SPTLC1: variants seen among roughly 807,000 people sequenced by gnomAD.
SPTLC1 encodes the protein serine palmitoyltransferase long chain base subunit 1, also known as serine palmitoyltransferase 1.
In SPTLC1, 55 loss-of-function variants were observed where a neutral mutation model predicts 68.9. The observed-to-expected ratio is 0.80, with a 90% CI of 0.64 to 1.00. The LOEUF (loss-of-function observed/expected upper bound fraction) is 1.00. SPTLC1 is among the 50% of genes least tolerant of loss of function. The probability of loss-of-function intolerance (pLI) is 0.00; values close to 1 mark genes in which losing one functional copy is unlikely to be tolerated. For synonymous variants in SPTLC1, 197 were observed against 201.6 expected, an observed-to-expected ratio of 0.98 and a Z score of 0.19; for missense variants, 449 against 573.1, an observed-to-expected ratio of 0.78 and a Z score of 2.21.
intron 12 of SPTLC1, among the ~76,000 whole-genome samples, chr9:92,041,233 G>C (rs1833340404): frequency 6.6e-6 from 1 of 152,082 alleles, no homozygotes; most frequent in African/African-American, 2.4e-5. Context: ...TGAGAAATTA[G>C]AGAAAAATTG....
chr9:92,056,441 C>G (rs538606666), intron 7 of SPTLC1, among the ~76,000 whole-genome samples: 2 of 152,290 alleles, frequency 1.3e-5, no homozygotes, highest in Non-Finnish European at 2.9e-5. Context: ...GTTGGCCAGG[C>G]TGGTCTTGAA....
chr9:92,049,707 G>A (rs779239662), intron 9 of SPTLC1, among the ~76,000 whole-genome samples: 2 of 152,092 alleles, frequency 1.3e-5, no homozygotes, highest in Admixed American at 6.6e-5. Flanking sequence ...AAGTCTATTC[G>A]AATGAAACTT....
intron 6 of SPTLC1, among the ~76,000 whole-genome samples, chr9:92,065,979 G>C (rs1047607541): frequency 6.6e-6 from 1 of 152,168 alleles, no homozygotes; most frequent in Non-Finnish European, 1.5e-5. Context: ...GGCCAGTGCA[G>C]GGCTTGAGGG....
intron 3 of SPTLC1, among the ~76,000 whole-genome samples, chr9:92,088,091 G>A (rs1290553972): frequency 3.9e-5 from 6 of 152,304 alleles, no homozygotes; most frequent in South Asian, 2.1e-4. Flanking sequence ...TTTTTTAAGC[G>A]TGTCGGAAAA....
At chr9:92,080,143 C>T in intron 4 of SPTLC1, 55 bp from the exon 5 acceptor site, 1 of 1,430,800 alleles carries the variant, frequency 7.0e-7, no homozygotes, top group Non-Finnish European at 9.8e-7. Flanking sequence ...GAGTTCAAAA[C>T]AAACATTTCC....
At chr9:92,104,709 G>A (rs995597031) in intron 3 of SPTLC1, 7 of 1,529,130 alleles carry the variant, frequency 4.6e-6, no homozygotes, top group Middle Eastern at 4.4e-4. Context: ...GAGACCCAGG[G>A]GCAGGAGGAC....
chr9:92,112,878 T>A lies in SPTLC1; in HGVS notation c.58-316A>T, dbSNP rs577483353. Among the ~76,000 whole-genome samples, 11 of 152,208 alleles carry A rather than the reference T, an allele frequency of 7.2e-5. No homozygotes were observed. In the East Asian group the frequency reaches 2.1e-3, roughly 29 times the overall value. ...ATCCCAGCACTTTGGGAGGCCAAGG[T>A]GGGCAGATCACCTGAGGGCGGGAGT... On this transcript the variant is annotated intron_variant, in intron 1 of 14. Transcript: ENST00000262554.
chr9:92,065,000 A>G (rs1834233152), intron 6 of SPTLC1, among the ~76,000 whole-genome samples: 1 of 152,244 alleles, frequency 6.6e-6, no homozygotes, highest in South Asian at 2.1e-4. Flanking sequence ...CCCTGTGGCG[A>G]CAGAAATGTT....
chr9:92,067,874 T>G, intron 6 of SPTLC1, 92 bp downstream of exon 6: 1 of 1,454,680 alleles, frequency 6.9e-7, no homozygotes, highest in South Asian at 1.2e-5. Context: ...AGCATTATTT[T>G]ATGCAGATAA....
chr9:92,114,691 C>G (rs192188768), intron 1 of SPTLC1, among the ~76,000 whole-genome samples: 3 of 151,528 alleles, frequency 2.0e-5, no homozygotes, highest in Non-Finnish European at 4.4e-5. Context: ...GCCGAGATCA[C>G]GCCCTTGCAC....
intron 7 of SPTLC1, 38 bp downstream of exon 7, chr9:92,059,120 TAATTTAGCTGGTTAGAAAGTA>T (rs1201896453): frequency 1.7e-5 from 27 of 1,587,374 alleles, no homozygotes; most frequent in Non-Finnish European, 2.1e-5. Context: ...ATTTCATATA[TAATTTAGCTGGTTAGAAAGTA>T]CAAAAGAACT....
chr9:92,103,148 T>G (rs1835820159), intron 3 of SPTLC1, among the ~76,000 whole-genome samples: 1 of 152,242 alleles, frequency 6.6e-6, no homozygotes, highest in Admixed American at 6.5e-5. Context: ...AAATTTCTTT[T>G]AGGACAGACC....
intron 3 of SPTLC1, among the ~76,000 whole-genome samples, chr9:92,087,707 T>C (rs1312957042): frequency 6.6e-6 from 1 of 152,214 alleles, no homozygotes; most frequent in African/African-American, 2.4e-5. Context: ...AGGGACCCAC[T>C]TGAGGAGGCA....
chr9:92,052,889 A>C (rs867308227), intron 8 of SPTLC1, among the ~76,000 whole-genome samples: 3 of 152,256 alleles, frequency 2.0e-5, no homozygotes, highest in Middle Eastern at 6.8e-3. Context: ...CAAAACACAT[A>C]AACTGGACAT....
At chr9:92,050,195 T>C in intron 8 of SPTLC1, 128 bp from the exon 9 acceptor site, 1 of 678,156 alleles carries the variant, frequency 1.5e-6, no homozygotes, top group South Asian at 1.7e-5. Context: ...TATGTGCAAA[T>C]TCATCTACTT....
At chr9:92,103,562 T>C (rs1326371391) in intron 3 of SPTLC1, among the ~76,000 whole-genome samples, 1 of 152,022 alleles carries the variant, frequency 6.6e-6, no homozygotes, top group Non-Finnish European at 1.5e-5. Flanking sequence ...TCAGGCAAAT[T>C]TGTAAAAAGC....
At chr9:92,050,176 T>A (rs1345002983) in intron 8 of SPTLC1, 109 bp from the exon 9 acceptor site, 1 of 741,734 alleles carries the variant, frequency 1.3e-6, no homozygotes. Flanking sequence ...TCAATACTTG[T>A]GAATTCTATA....
chr9:92,077,069 A>G, intron 5 of SPTLC1: 1 of 152,282 alleles, frequency 6.6e-6, no homozygotes, highest in Non-Finnish European at 1.5e-5. Context: ...GACCTTTTAA[A>G]AACACACCTT....
intron 8 of SPTLC1, chr9:92,050,929 C>A (rs573979809): frequency 1.3e-3 from 1,223 of 943,714 alleles, no homozygotes; most frequent in Non-Finnish European, 1.5e-3. Context: ...TCTCCTACCT[C>A]CGCCACCCAA....
Sources: gnomAD v4.1 joint callset for allele counts (sites outside exome capture counted in the v4.1 genomes callset) on GRCh38, gnomAD v4.1.1 for gene constraint, MANE v1.5 for transcripts, NCBI Gene and HGNC (gene_info 2026-07-23, HGNC 2026-07-21) for gene names.